The following RABGAP1 variants were observed in gnomAD, a reference collection of about 807,000 sequenced individuals.
RABGAP1 encodes the protein rab GTPase-activating protein 1.
RABGAP1 carries 23 observed loss-of-function variants against 137.6 expected under a neutral mutation model. The observed-to-expected ratio is 0.17, with a 90% CI of 0.12 to 0.24. RABGAP1 has a LOEUF of 0.24. RABGAP1 is among the 10% of genes least tolerant of loss of function. The pLI is 1.00. For synonymous variants in RABGAP1, 451 were observed against 450.7 expected, an observed-to-expected ratio of 1.00 and a Z score of -0.01; for missense variants, 906 against 1,275.8, an observed-to-expected ratio of 0.71 and a Z score of 4.42.
upstream of RABGAP1, chr9:122,940,316 C>CT (rs1833479851): frequency 6.6e-6 from 1 of 152,178 alleles, no homozygotes; most frequent in Non-Finnish European, 1.5e-5. Flanking sequence ...AAAATCTCAT[C>CT]TTTGAGTCAC....
At chr9:123,041,451 G>A (rs1224133670) in intron 13 of RABGAP1, among the ~76,000 whole-genome samples, 2 of 152,174 alleles carry the variant, frequency 1.3e-5, no homozygotes, top group East Asian at 3.8e-4. Flanking sequence ...CATAGTAAGT[G>A]TTATGATTCA....
rs2034905330 is a variant in RABGAP1, at chr9:123,087,504, TG to T, written c.2425-2253del. Among the ~76,000 whole-genome samples the T allele has an allele frequency of 2.6e-5, 4 of 152,358 alleles. No homozygotes were observed. The South Asian group carries it at 8.3e-4, about 32-fold the overall frequency. ...CTGTTAGGATTGTCTATACACTTAC[TG>T]ATTGCATAGACATTTTACTTAGGTG... On this transcript the variant is annotated intron_variant, in intron 19 of 25. Coordinates refer to ENST00000373647, the MANE Select transcript of RABGAP1 (RefSeq NM_012197.4).
intron 1 of RABGAP1, among the ~76,000 whole-genome samples, chr9:122,943,072 CTT>C (rs10582436): frequency 4.3e-5 from 5 of 116,170 alleles, no homozygotes; most frequent in East Asian, 3.1e-4. Context: ...GGTGCACTTT[CTT>C]TTTTTTTTTT....
rs895988391 is a variant in RABGAP1 at position 123,103,939 on chromosome 9, C to T, written c.*726C>T. ...CTGTGAGACTGGATTATAACATGGA[C>T]AAATCTTATTTTGCTTAATGTGTTT... On this transcript the variant is annotated 3_prime_UTR_variant, in exon 26 of 26. Transcript: ENST00000373647. 1.4e-5 allele frequency: 2 copies of T among 147,562 alleles called. No homozygotes were observed. Among genetic ancestry groups the T allele is most frequent in the Admixed American group, 1.4e-4 (2 of 14,590 alleles). 9.1% of individuals were successfully genotyped at this position (147,562 alleles called of 1,614,324 possible).
In RABGAP1 at chr9:123,103,305, A is replaced by G. The variant is rs2035396220; in HGVS notation, c.*92A>G. The stretch of plus-strand genomic sequence containing the variant: ...GTGTGATTCTGTGACTTGTCCCAGG[A>G]CCAGAATGTACCTAAGTCAGATCCA... On this transcript the variant is annotated 3_prime_UTR_variant, in exon 26 of 26. Transcript: ENST00000373647. The G allele has an allele frequency of 1.9e-6, 3 of 1,545,866 alleles. No individual in the cohort carries two copies. The highest frequency in any genetic ancestry group is 2.6e-6 in the Non-Finnish European group (3 of 1,141,464).
chr9:122,973,974 T>A (rs1178511230), intron 2 of RABGAP1, among the ~76,000 whole-genome samples: 1 of 150,208 alleles, frequency 6.7e-6, no homozygotes, highest in Non-Finnish European at 1.5e-5. Context: ...GCCACTGCAC[T>A]CCAGCCTGGG....
chr9:123,083,570 T>C (rs904967905), intron 19 of RABGAP1, among the ~76,000 whole-genome samples: 2 of 152,234 alleles, frequency 1.3e-5, no homozygotes, highest in Non-Finnish European at 2.9e-5. Context: ...AGAAAAACAC[T>C]CTGGTGGTAG....
intron 11 of RABGAP1, among the ~76,000 whole-genome samples, chr9:123,014,628 A>G (rs952919427): frequency 6.7e-6 from 1 of 149,976 alleles, no homozygotes; most frequent in Non-Finnish European, 1.5e-5. Flanking sequence ...CCCGACCGAG[A>G]CTGAGTAATT....
chr9:123,077,164 G>GTTTT (rs57474987), intron 19 of RABGAP1, among the ~76,000 whole-genome samples: 3 of 124,438 alleles, frequency 2.4e-5, no homozygotes, highest in African/African-American at 4.5e-5. Context: ...TTTTGTTTTT[G>GTTTT]TTTTTTTTTT....
intron 2 of RABGAP1, among the ~76,000 whole-genome samples, chr9:122,969,057 C>T (rs551906756): frequency 6.6e-6 from 1 of 152,338 alleles, no homozygotes; most frequent in Middle Eastern, 3.4e-3. Flanking sequence ...TGCATGACAG[C>T]ATTTCAGTCC....
At chr9:122,953,638 A>AT (rs1486520106) in intron 1 of RABGAP1, among the ~76,000 whole-genome samples, 1 of 152,200 alleles carries the variant, frequency 6.6e-6, no homozygotes, top group Non-Finnish European at 1.5e-5. Context: ...TGACCTCGTG[A>AT]TCCACCCGCC....
chr9:123,076,596 A>G, intron 18 of RABGAP1, 38 bp from the exon 19 acceptor site: 2 of 1,563,742 alleles, frequency 1.3e-6, no homozygotes, highest in East Asian at 2.3e-5. Context: ...TCCTTATAGC[A>G]ACACATTTTT....
chr9:123,083,742 T>C (rs2034782772), intron 19 of RABGAP1, among the ~76,000 whole-genome samples: 1 of 152,250 alleles, frequency 6.6e-6, no homozygotes, highest in East Asian at 1.9e-4. Context: ...TTATCCTGGC[T>C]CCGCCTCTGC....
At position 123,021,444 on chromosome 9, in the gene RABGAP1, C is replaced by T. The variant is rs754670440; in HGVS notation, c.1794+985C>T. The stretch of plus-strand genomic sequence containing the variant: ...CTTTAAGCAATTGTTGTGCCTCCAT[C>T]TCCCAAGAAGCTGGGATTACAGGTG... On this transcript the variant is annotated intron_variant, in intron 13 of 25. Coordinates refer to ENST00000373647, the MANE Select transcript of RABGAP1 (RefSeq NM_012197.4). 2.7e-4 allele frequency among the ~76,000 whole-genome samples: 40 copies of T among 150,556 alleles called. No individual in the cohort carries two copies. In the Middle Eastern group the frequency reaches 0.014, roughly 52 times the overall value.
chr9:122,976,932 A>C (rs1835788957), intron 2 of RABGAP1, among the ~76,000 whole-genome samples: 1 of 152,206 alleles, frequency 6.6e-6, no homozygotes, highest in Non-Finnish European at 1.5e-5. Context: ...ACTTTCCAGG[A>C]AAGGAAACAC....
chr9:123,062,797 T>G (rs918584117), intron 13 of RABGAP1: 1 of 152,040 alleles, frequency 6.6e-6, no homozygotes, highest in African/African-American at 2.4e-5. Flanking sequence ...CTCTCTCTCT[T>G]TTTTTTAATT....
intron 22 of RABGAP1, among the ~76,000 whole-genome samples, chr9:123,098,489 C>A (rs2035249530): frequency 6.6e-6 from 1 of 152,204 alleles, no homozygotes; most frequent in Non-Finnish European, 1.5e-5. Flanking sequence ...AAGCCTCAAT[C>A]TGAAATGGGG....
rs866928013 is a variant in RABGAP1, at chr9:123,002,061, G to T, written c.1374+3295G>T. ...AGATGGTCTGTAATCCCAGCCTTTG[G>T]GAGGCCGAGGCTGGCGGATCACCTG... On this transcript the variant is annotated intron_variant, in intron 10 of 25. Transcript: ENST00000373647. 1.9e-4 allele frequency among the ~76,000 whole-genome samples: 29 copies of T among 152,176 alleles called. 1 individual carries two copies. Among genetic ancestry groups the T allele is most frequent in the Middle Eastern group, 6.8e-3 (2 of 294 alleles).
At chr9:123,050,634 T>C (rs2033412433) in intron 13 of RABGAP1, among the ~76,000 whole-genome samples, 1 of 152,280 alleles carries the variant, frequency 6.6e-6, no homozygotes, top group Admixed American at 6.5e-5. Context: ...CACCAATCGA[T>C]ACCTATTTCT....
Sources: gnomAD v4.1 joint callset for allele counts (sites outside exome capture counted in the v4.1 genomes callset) on GRCh38, gnomAD v4.1.1 for gene constraint, MANE v1.5 for transcripts, NCBI Gene and HGNC (gene_info 2026-07-23, HGNC 2026-07-21) for gene names.